The following DMRT3 variants were observed in gnomAD, a reference collection of about 807,000 sequenced individuals.
The protein encoded by DMRT3 is doublesex and mab-3 related transcription factor 3.
DMRT3 carries 29 observed loss-of-function variants against 34.9 expected under a neutral mutation model. That is an observed-to-expected ratio of 0.83 (90% CI 0.62 to 1.13). The LOEUF is 1.13. DMRT3 is among the 50% of genes most tolerant of loss of function. The pLI is 0.00. For missense variants in DMRT3, 772 were observed against 629.1 expected, an observed-to-expected ratio of 1.23 and a Z score of -2.43; for synonymous variants, 350 against 286.0, an observed-to-expected ratio of 1.22 and a Z score of -2.26.
At chr9:982,959 C>T (rs1429635914) in intron 1 of DMRT3, among the ~76,000 whole-genome samples, 1 of 152,150 alleles carries the variant, frequency 6.6e-6, no homozygotes, top group Admixed American at 6.5e-5. Context: ...TGCACGGGTG[C>T]TCATGGCAGA....
rs144154681 is a variant in DMRT3 at position 983,207 on chromosome 9, G to A, written c.454+5752G>A. Among the ~76,000 whole-genome samples, 256 of 152,218 alleles carry A rather than the reference G, an allele frequency of 1.7e-3. 1 individual carries two copies. In the Middle Eastern group the frequency reaches 0.024, roughly 14 times the overall value. ...ACAATAATAATAATGAAAAACTTAA[G>A]AGTCGGCACATCAATTCTTTACAAA... On this transcript the variant is annotated intron_variant, in intron 1 of 1. Transcript: ENST00000190165.
intron 1 of DMRT3, among the ~76,000 whole-genome samples, chr9:985,382 G>A (rs1820271188): frequency 6.6e-6 from 1 of 152,138 alleles, no homozygotes; most frequent in South Asian, 2.1e-4. Flanking sequence ...AAGGTAAAAT[G>A]TTTCAGGAGT....
In DMRT3 at chr9:990,969, C is replaced by T. The variant is rs560344283; in HGVS notation, c.1383C>T (p.Asp461=). Residue 461 remains aspartate, a synonymous_variant, in exon 2 of 2, where the codon GAC becomes GAT. Transcript: ENST00000190165. ...YTEDDYDERS[D]SSDSRTLNTS... Reference sequence around the variant, plus strand: ...AGGACGACTATGACGAGAGGTCTGACTCCTCAGACTCTAGAACACTCAACA... The same window carrying T: ...AGGACGACTATGACGAGAGGTCTGATTCCTCAGACTCTAGAACACTCAACA... 6.2e-7 allele frequency: 1 copy of T among 1,613,954 alleles called. No homozygotes were observed. Among genetic ancestry groups the T allele is most frequent in the Non-Finnish European group, 8.5e-7 (1 of 1,179,898 alleles).
chr9:990,981 T>C lies in DMRT3; in HGVS notation c.1395T>C (p.Ser465=), dbSNP rs189551396. ...ACGAGAGGTCTGACTCCTCAGACTC[T>C]AGAACACTCAACACATCATCTTAAA... ...DYDERSDSSD[S]RTLNTSS Residue 465 remains serine, a synonymous_variant, in exon 2 of 2, where the codon TCT becomes TCC. Transcript: ENST00000190165. 5.6e-6 allele frequency: 9 copies of C among 1,613,272 alleles called. No individual in the cohort carries two copies. The East Asian group carries it at 8.9e-5, about 16-fold the overall frequency.
At chr9:986,501 T>C (rs1188266618) in intron 1 of DMRT3, among the ~76,000 whole-genome samples, 1 of 152,178 alleles carries the variant, frequency 6.6e-6, no homozygotes, top group Non-Finnish European at 1.5e-5. Context: ...AGAAAACACT[T>C]CCTAATATGT....
intron 1 of DMRT3, among the ~76,000 whole-genome samples, chr9:988,924 C>T (rs988793420): frequency 4.6e-5 from 7 of 152,182 alleles, no homozygotes; most frequent in African/African-American, 1.7e-4. Context: ...TTATAAAGTC[C>T]TGTTGGAATT....
chr9:979,042 T>C lies in DMRT3; in HGVS notation c.454+1587T>C, dbSNP rs377290808. Among the ~76,000 whole-genome samples the C allele has an allele frequency of 8.5e-5, 13 of 152,330 alleles. No homozygotes were observed. The East Asian group carries it at 2.3e-3, about 27-fold the overall frequency. On this transcript the variant is annotated intron_variant, in intron 1 of 1. Transcript: ENST00000190165. ...TTCTTAATTTTTTTCCATTTCCAGC[T>C]TCTCTGGTTCCGTTTCCCCCAGGAC...
chr9:990,712 T>C lies in DMRT3; in HGVS notation c.1126T>C (p.Leu376=), dbSNP rs34961221. 3.0e-3 allele frequency: 4,865 copies of C among 1,614,118 alleles called. 101 individuals are homozygous for C. The East Asian group carries it at 0.058, about 19-fold the overall frequency. The part of the protein sequence containing the change: ...PRYPLMLRNT[L]ARSQSSPFLP... ...GTACCCGCTGATGCTGAGGAATACT[T>C]TGGCGAGAAGCCAGTCGAGCCCCTT... The change falls in exon 2 of 2, where the codon TTG becomes CTG. Residue 376 remains leucine (L), a synonymous_variant. Transcript: ENST00000190165.
rs1263148184 is a variant in DMRT3, at chr9:990,657, TCTG to T, written c.1073_1075del (p.Leu358del). The T allele has an allele frequency of 1.1e-5, 18 of 1,614,102 alleles. No individual in the cohort carries two copies. The highest frequency in any genetic ancestry group is 1.4e-5 in the Non-Finnish European group (17 of 1,180,016). On this transcript the variant is annotated inframe_deletion, in exon 2 of 2. Coordinates refer to ENST00000190165, the MANE Select transcript of DMRT3 (RefSeq NM_021240.4). ...TTGTCCCCAGTCCCTTGGCTGGGCC[TCTG>T]CAGCCCCCTTTCCCCCAGCCACCCC... is the stretch of plus-strand genomic sequence containing the variant.
Position 990,310 on chromosome 9 carries a change from C to T in DMRT3, c.724C>T (p.Pro242Ser), listed in dbSNP as rs776360310. The T allele has an allele frequency of 2.7e-5, 43 of 1,613,686 alleles. No individual in the cohort carries two copies. The highest frequency in any genetic ancestry group is 3.1e-5 in the Non-Finnish European group (37 of 1,180,036). The change falls in exon 2 of 2, where the codon CCC (proline) becomes TCC (serine). Residue 242 changes from proline to serine, a missense_variant. Transcript: ENST00000190165. The part of the protein sequence containing the change: ...IEGPSGTVSL[P>S]FSLKANRPPL... ...GGGCCCCTCGGGGACTGTTTCTCTGCCCTTCAGCTTGAAAGCCAACAGACC... is the reference window on the plus strand; with the variant it reads ...GGGCCCCTCGGGGACTGTTTCTCTGTCCTTCAGCTTGAAAGCCAACAGACC...
chr9:977,900 G>C (rs1273712431), intron 1 of DMRT3, among the ~76,000 whole-genome samples: 1 of 45,630 alleles, frequency 2.2e-5, no homozygotes, highest in African/African-American at 1.3e-4. Flanking sequence ...GTGTAGGGAA[G>C]GAGCCAAGGC....
intron 1 of DMRT3, among the ~76,000 whole-genome samples, chr9:985,334 A>G (rs166787): frequency 0.52 from 79,615 of 152,004 alleles, 21,540 homozygotes; most frequent in Middle Eastern, 0.72. Context: ...TACACTCTTA[A>G]TGTTCTAGGA....
At chr9:987,788 A>G (rs1038371595) in intron 1 of DMRT3, among the ~76,000 whole-genome samples, 1 of 152,210 alleles carries the variant, frequency 6.6e-6, no homozygotes. Context: ...TTAGAAGTAC[A>G]TAGTATTTTA....
At chr9:981,540 A>G (rs979706605) in intron 1 of DMRT3, among the ~76,000 whole-genome samples, 4 of 152,218 alleles carry the variant, frequency 2.6e-5, no homozygotes, top group African/African-American at 9.6e-5. Context: ...TACAGGCACT[A>G]AGGTCTCTTC....
chr9:990,309 G>A lies in DMRT3; in HGVS notation c.723G>A (p.Leu241=), dbSNP rs139342042. ...AGGGCCCCTCGGGGACTGTTTCTCT[G>A]CCCTTCAGCTTGAAAGCCAACAGAC... ...LIEGPSGTVS[L]PFSLKANRPP... The change falls in exon 2 of 2, where the codon CTG becomes CTA. Residue 241 remains leucine, a synonymous_variant. Coordinates refer to ENST00000190165, the MANE Select transcript of DMRT3 (RefSeq NM_021240.4). 6.7e-5 allele frequency: 108 copies of A among 1,613,714 alleles called. No homozygotes were observed. In the African/African-American group the frequency reaches 1.3e-3, roughly 20 times the overall value.
intron 1 of DMRT3, among the ~76,000 whole-genome samples, chr9:982,501 A>C (rs189553135): frequency 3.7e-4 from 57 of 152,342 alleles, no homozygotes; most frequent in Admixed American, 2.9e-3. Context: ...TAATCACAGG[A>C]GGACAGTGTG....
Position 991,507 on chromosome 9 carries a change from G to A in DMRT3, c.*502G>A, listed in dbSNP as rs565530215. 6.5e-6 allele frequency: 1 copy of A among 154,534 alleles called. No homozygotes were observed. The highest frequency in any genetic ancestry group is 2.0e-4 in the South Asian group (1 of 4,916). The allele number at this position is 154,534 out of a possible 1,614,324, so 9.6% of individuals were successfully genotyped here. A position where few individuals can be genotyped will look rare whatever the true frequency, so the allele number is the denominator to read the frequency against. On this transcript the variant is annotated 3_prime_UTR_variant, in exon 2 of 2. Transcript: ENST00000190165. ...AAAGAGAGATGCACTTAAGAATAGA[G>A]TGAACTGCTCATATGCTTATTTAAG...
intron 1 of DMRT3, among the ~76,000 whole-genome samples, chr9:985,068 T>C (rs1452798165): frequency 1.3e-5 from 2 of 152,228 alleles, no homozygotes; most frequent in African/African-American, 4.8e-5. Context: ...ATTGAATATC[T>C]ACTTCTTTTA....
At chr9:986,993 A>G (rs907838237) in intron 1 of DMRT3, among the ~76,000 whole-genome samples, 2 of 151,540 alleles carry the variant, frequency 1.3e-5, no homozygotes, top group African/African-American at 4.9e-5. Context: ...AAATCTCTTC[A>G]TTCTCTATAT....
Sources: gnomAD v4.1 joint callset for allele counts (sites outside exome capture counted in the v4.1 genomes callset) on GRCh38, gnomAD v4.1.1 for gene constraint, MANE v1.5 for transcripts, NCBI Gene and HGNC (gene_info 2026-07-23, HGNC 2026-07-21) for gene names.